Variants in ZDHHC20 observed in about 807,000 individuals in gnomAD.
ZDHHC20 encodes zDHHC palmitoyltransferase 20, also known as palmitoyltransferase ZDHHC20.
A neutral mutation model predicts 57.8 loss-of-function variants in ZDHHC20; 43 were observed. That is an observed-to-expected ratio of 0.74 (90% CI 0.58 to 0.96). The LOEUF is 0.96. ZDHHC20 is among the 40% of genes least tolerant of loss of function. The pLI is 0.00. For missense variants in ZDHHC20, 391 were observed against 441.1 expected, an observed-to-expected ratio of 0.89 and a Z score of 1.02; for synonymous variants, 157 against 153.0, an observed-to-expected ratio of 1.03 and a Z score of -0.19.
At chr13:21,448,127 A>C (rs1330188335) in intron 1 of ZDHHC20, among the ~76,000 whole-genome samples, 9 of 120,676 alleles carry the variant, frequency 7.5e-5, no homozygotes, top group Admixed American at 1.6e-4. Flanking sequence ...TCCGCCCGGC[A>C]GCCACCCCAT....
At chr13:21,449,577 C>T (rs964650273) in intron 1 of ZDHHC20, among the ~76,000 whole-genome samples, 2 of 152,112 alleles carry the variant, frequency 1.3e-5, no homozygotes, top group Admixed American at 1.3e-4. Context: ...ACAAGGCCAG[C>T]CCAGATTCAA....
At chr13:21,413,890 T>C (rs1476911452) in intron 3 of ZDHHC20, 118 bp from the exon 4 acceptor site, 1 of 702,704 alleles carries the variant, frequency 1.4e-6, no homozygotes, top group Non-Finnish European at 2.3e-6. Context: ...AGACAAAACT[T>C]GTCTTCAAAA....
chr13:21,457,321 A>G (rs963058068), intron 1 of ZDHHC20, among the ~76,000 whole-genome samples: 3 of 152,222 alleles, frequency 2.0e-5, no homozygotes, highest in African/African-American at 7.2e-5. Flanking sequence ...ATACGGTAGG[A>G]ATAATCTTCT....
intron 12 of ZDHHC20, among the ~76,000 whole-genome samples, chr13:21,377,452 A>G (rs61950005): frequency 7.9e-3 from 433 of 54,698 alleles, no homozygotes; most frequent in African/African-American, 0.018. Flanking sequence ...ACTCTGCCCG[A>G]CGTGACCTCC....
At chr13:21,378,874 G>T (rs1346618748) in intron 11 of ZDHHC20, 136 bp from the exon 12 acceptor site, 3 of 436,696 alleles carry the variant, frequency 6.9e-6, no homozygotes, top group Non-Finnish European at 1.2e-5. Context: ...TCAACCATTT[G>T]TCTTCTTATA....
At chr13:21,447,302 G>A (rs976598989) in intron 1 of ZDHHC20, among the ~76,000 whole-genome samples, 1 of 145,438 alleles carries the variant, frequency 6.9e-6, no homozygotes, top group Non-Finnish European at 1.5e-5. Context: ...CTCCCTCTCC[G>A]TCTCCCTCTC....
chr13:21,450,571 T>C (rs1348891245), intron 1 of ZDHHC20, among the ~76,000 whole-genome samples: 1 of 152,038 alleles, frequency 6.6e-6, no homozygotes, highest in East Asian at 1.9e-4. Flanking sequence ...AACTCACTAG[T>C]AGTCATGAGA....
At chr13:21,411,963 A>G (rs184410606) in intron 4 of ZDHHC20, among the ~76,000 whole-genome samples, 2 of 152,384 alleles carry the variant, frequency 1.3e-5, no homozygotes, top group African/African-American at 4.8e-5. Flanking sequence ...AAGTACAGCT[A>G]TCCTTTGGAA....
intron 2 of ZDHHC20, among the ~76,000 whole-genome samples, chr13:21,425,069 C>T (rs942455262): frequency 2.0e-5 from 3 of 152,134 alleles, no homozygotes; most frequent in Non-Finnish European, 4.4e-5. Flanking sequence ...TTAATCTCAA[C>T]AGACTTATGA....
At chr13:21,384,903 C>G (rs1175407851) in intron 9 of ZDHHC20, among the ~76,000 whole-genome samples, 3 of 151,956 alleles carry the variant, frequency 2.0e-5, no homozygotes, top group Non-Finnish European at 4.4e-5. Context: ...TCAAAATGTC[C>G]ACCACCCAAT....
chr13:21,451,926 G>A lies in ZDHHC20; in HGVS notation c.118+7128C>T, dbSNP rs150154393. On this transcript the variant is annotated intron_variant, in intron 1 of 12. Coordinates refer to ENST00000400590, the MANE Select transcript of ZDHHC20 (RefSeq NM_001330059.2). ...GGAGAATCGTTTGAACTCAGGAGGC[G>A]GAGGTTGCAATGAGCCGAGATCACA... 4.4e-4 allele frequency among the ~76,000 whole-genome samples: 66 copies of A among 150,092 alleles called. No individual in the cohort carries two copies. In the East Asian group the frequency reaches 0.01, roughly 23 times the overall value.
chr13:21,425,575 C>A, intron 2 of ZDHHC20, 77 bp downstream of exon 2: 1 of 1,038,374 alleles, frequency 9.6e-7, no homozygotes, highest in South Asian at 1.7e-5. Context: ...CACATGCATT[C>A]ATCACTAAAT....
intron 4 of ZDHHC20, among the ~76,000 whole-genome samples, chr13:21,410,277 C>A (rs143754778): frequency 6.6e-6 from 1 of 152,184 alleles, no homozygotes; most frequent in African/African-American, 2.4e-5. Flanking sequence ...CAGAGGGGCA[C>A]CCTCTAGATG....
At chr13:21,395,449 T>A (rs1458730328) in intron 7 of ZDHHC20, among the ~76,000 whole-genome samples, 1 of 151,680 alleles carries the variant, frequency 6.6e-6, no homozygotes, top group African/African-American at 2.4e-5. Flanking sequence ...AAAACTGAAA[T>A]AATAATGGCC....
intron 7 of ZDHHC20, among the ~76,000 whole-genome samples, chr13:21,396,080 A>C (rs1876740427): frequency 1.3e-5 from 2 of 152,102 alleles, no homozygotes. Context: ...AGTCCTCTGC[A>C]ATTCCTGCAG....
At chr13:21,426,029 T>C (rs1487308756) in intron 1 of ZDHHC20, among the ~76,000 whole-genome samples, 1 of 152,222 alleles carries the variant, frequency 6.6e-6, no homozygotes, top group Non-Finnish European at 1.5e-5. Context: ...AACTTATTTG[T>C]TAGTCTGTGA....
At chr13:21,407,941 T>C (rs983283885) in intron 4 of ZDHHC20, among the ~76,000 whole-genome samples, 1 of 152,206 alleles carries the variant, frequency 6.6e-6, no homozygotes, top group South Asian at 2.1e-4. Context: ...ATGTGTGGTG[T>C]TATTTCTGAG....
At chr13:21,398,000 A>C (rs1804157379) in intron 7 of ZDHHC20, among the ~76,000 whole-genome samples, 1 of 152,192 alleles carries the variant, frequency 6.6e-6, no homozygotes, top group Non-Finnish European at 1.5e-5. Flanking sequence ...ACTGCTTTCC[A>C]TGTATTTACA....
At chr13:21,427,435 G>A (rs1053090252) in intron 1 of ZDHHC20, among the ~76,000 whole-genome samples, 2 of 152,158 alleles carry the variant, frequency 1.3e-5, no homozygotes, top group Admixed American at 6.5e-5. Context: ...CCTCCTCCAA[G>A]TAGAAAATCT....
Sources: allele counts gnomAD v4.1 joint callset (sites outside exome capture counted in the v4.1 genomes callset), GRCh38; gene constraint gnomAD v4.1.1; transcripts MANE v1.5; gene names NCBI Gene and HGNC (gene_info 2026-07-23, HGNC 2026-07-21).